IER3IP1: variants seen among roughly 807,000 people sequenced by gnomAD.
The protein encoded by IER3IP1 is immediate early response 3 interacting protein 1, also known as immediate early response 3-interacting protein 1.
In IER3IP1, 16 loss-of-function variants were observed where a neutral mutation model predicts 12.2. The ratio of observed to expected loss-of-function variants is 1.31; its 90% confidence interval spans 0.89 to 1.99. IER3IP1 has a LOEUF of 1.99. Among genes scored for constraint, IER3IP1 ranks in the 30% most tolerant of loss-of-function variants. The pLI is 0.00. For synonymous variants in IER3IP1, 42 were observed against 40.0 expected, an observed-to-expected ratio of 1.05 and a Z score of -0.19; for missense variants, 95 against 95.8, an observed-to-expected ratio of 0.99 and a Z score of 0.03.
intron 2 of IER3IP1, 56 bp from the exon 3 acceptor site, chr18:47,156,288 A>C (rs1194760786): frequency 3.2e-6 from 3 of 944,988 alleles, no homozygotes; most frequent in Non-Finnish European, 5.1e-6. Flanking sequence ...AGAAAAAACC[A>C]GAAAATAATA....
At chr18:47,160,836 G>C (rs2063977724) in intron 1 of IER3IP1, among the ~76,000 whole-genome samples, 1 of 152,002 alleles carries the variant, frequency 6.6e-6, no homozygotes, top group Non-Finnish European at 1.5e-5. Context: ...CTTTTTCCTT[G>C]ATCATTCCTC....
chr18:47,173,241 G>T (rs1019397177), intron 1 of IER3IP1, among the ~76,000 whole-genome samples: 1 of 152,172 alleles, frequency 6.6e-6, no homozygotes, highest in Admixed American at 6.5e-5. Context: ...GTTTAACTCA[G>T]TAAAGGTATT....
At chr18:47,165,313 G>T (rs746243479) in intron 1 of IER3IP1, among the ~76,000 whole-genome samples, 27 of 152,166 alleles carry the variant, frequency 1.8e-4, no homozygotes, top group Non-Finnish European at 3.4e-4. Flanking sequence ...AGCACTTCGG[G>T]AGGCCAAGGC....
At chr18:47,173,490 G>A (rs927062900) in intron 1 of IER3IP1, among the ~76,000 whole-genome samples, 2 of 151,900 alleles carry the variant, frequency 1.3e-5, no homozygotes, top group African/African-American at 4.8e-5. Flanking sequence ...GATTACAGGC[G>A]CCCACCACCA....
intron 1 of IER3IP1, among the ~76,000 whole-genome samples, chr18:47,166,695 AG>A (rs1175512415): frequency 6.6e-6 from 1 of 152,212 alleles, no homozygotes; most frequent in Non-Finnish European, 1.5e-5. Context: ...AACTGGAGGC[AG>A]GATGACCAGT....
chr18:47,155,152 T>C lies in IER3IP1; in HGVS notation c.*1025A>G, dbSNP rs977759852. 1.3e-5 allele frequency: 2 copies of C among 152,192 alleles called. No individual in the cohort carries two copies. The highest frequency in any genetic ancestry group is 6.5e-5 in the Admixed American group (1 of 15,278). 9.4% of individuals were successfully genotyped at this position (152,192 alleles called of 1,614,324 possible). On this transcript the variant is annotated 3_prime_UTR_variant, in exon 3 of 3. Transcript: ENST00000256433. ...ATTTCCATAAAAACCATTTACATAGTTTCAACCTTTCTGCATAAAACTGTA... is the reference window on the plus strand; with the variant it reads ...ATTTCCATAAAAACCATTTACATAGCTTCAACCTTTCTGCATAAAACTGTA...
At position 47,154,993 on chromosome 18, in the gene IER3IP1, T is replaced by A. The variant is rs1436402299; in HGVS notation, c.*1184A>T. ...AGAGGTGTTCACCCAAAATGGAGAT[T>A]AATGCAGTTAACACTGACAGGTTTA... is the stretch of plus-strand genomic sequence containing the variant. On this transcript the variant is annotated 3_prime_UTR_variant, in exon 3 of 3. Coordinates refer to ENST00000256433, the MANE Select transcript of IER3IP1 (RefSeq NM_016097.5). The A allele has an allele frequency of 2.6e-5, 4 of 152,220 alleles. No individual in the cohort carries two copies. Among genetic ancestry groups the A allele is most frequent in the African/African-American group, 9.6e-5 (4 of 41,458 alleles). 9.4% of individuals were successfully genotyped at this position (152,220 alleles called of 1,614,324 possible).
chr18:47,172,474 T>G lies in IER3IP1; in HGVS notation c.91+3713A>C, dbSNP rs763382153. On this transcript the variant is annotated intron_variant, in intron 1 of 2. Coordinates refer to ENST00000256433, the MANE Select transcript of IER3IP1 (RefSeq NM_016097.5). This position sits in a 1 kb window ranked among gnomAD's most constrained non-coding sequence, Gnocchi z 4.0. ...CTTACAGTAGTCCTCCCCCTTAATC[T>G]TGGAGATACACTTCAAGATTCCACA... is the stretch of plus-strand genomic sequence containing the variant. Among the ~76,000 whole-genome samples, 3 of 152,134 alleles carry G rather than the reference T, an allele frequency of 2.0e-5. No homozygotes were observed. The highest frequency in any genetic ancestry group is 2.9e-5 in the Non-Finnish European group (2 of 68,022).
chr18:47,168,974 G>T (rs1293274337), intron 1 of IER3IP1, among the ~76,000 whole-genome samples: 2 of 152,102 alleles, frequency 1.3e-5, no homozygotes, highest in African/African-American at 4.8e-5. Context: ...TAATTAAATG[G>T]TTTGAAGTAC....
At position 47,154,221 on chromosome 18, in the gene IER3IP1, C is replaced by T. The variant is rs2063950582; in HGVS notation, c.*1956G>A. The stretch of plus-strand genomic sequence containing the variant: ...AGTTACTGTCTACTAAAATAACACA[C>T]TCTGTTTACTGAATCACAACTGCTC... On this transcript the variant is annotated 3_prime_UTR_variant, in exon 3 of 3. Coordinates refer to ENST00000256433, the MANE Select transcript of IER3IP1 (RefSeq NM_016097.5). 1 of 152,188 alleles carries T rather than the reference C, an allele frequency of 6.6e-6. No homozygotes were observed. Among genetic ancestry groups the T allele is most frequent in the Non-Finnish European group, 1.5e-5 (1 of 68,044 alleles). 9.4% of individuals were successfully genotyped at this position (152,188 alleles called of 1,614,324 possible).
chr18:47,163,345 T>C (rs2063985820), intron 1 of IER3IP1, among the ~76,000 whole-genome samples: 2 of 152,308 alleles, frequency 1.3e-5, no homozygotes, highest in South Asian at 2.1e-4. Context: ...GCAGGCAGCA[T>C]ACATAGCACG....
At chr18:47,165,334 CT>C (rs2144431486) in intron 1 of IER3IP1, among the ~76,000 whole-genome samples, 1 of 152,310 alleles carries the variant, frequency 6.6e-6, no homozygotes, top group Non-Finnish European at 1.5e-5. Context: ...GGGCAGATCA[CT>C]TGAGGCCAGA....
At chr18:47,160,359 T>C (rs2063976060) in intron 1 of IER3IP1, among the ~76,000 whole-genome samples, 1 of 152,230 alleles carries the variant, frequency 6.6e-6, no homozygotes, top group African/African-American at 2.4e-5. Flanking sequence ...TACCCTACTA[T>C]GCACATAATT....
intron 1 of IER3IP1, among the ~76,000 whole-genome samples, chr18:47,165,138 G>C (rs1458417739): frequency 1.3e-5 from 2 of 152,168 alleles, no homozygotes; most frequent in Admixed American, 6.5e-5. Flanking sequence ...GAAAATGAAA[G>C]TGATTTTGTC....
intron 1 of IER3IP1, among the ~76,000 whole-genome samples, chr18:47,175,967 A>AC (rs1333584790): frequency 6.6e-6 from 1 of 151,130 alleles, no homozygotes; most frequent in African/African-American, 2.4e-5. Context: ...ATATCCCTCC[A>AC]CCCCAACCCC....
chr18:47,157,686 A>C, intron 1 of IER3IP1, 149 bp from the exon 2 acceptor site: 1 of 709,122 alleles, frequency 1.4e-6, no homozygotes, highest in Non-Finnish European at 2.5e-6. Flanking sequence ...TAATGAGTTA[A>C]ATATTTGTTT....
chr18:47,153,101 GCTTT>G lies in IER3IP1; in HGVS notation c.*3072_*3075del, dbSNP rs1184412221. 1 of 152,156 alleles carries G rather than the reference GCTTT, an allele frequency of 6.6e-6. No individual in the cohort carries two copies. Among genetic ancestry groups the G allele is most frequent in the Non-Finnish European group, 1.5e-5 (1 of 68,024 alleles). 9.4% of individuals were successfully genotyped at this position (152,156 alleles called of 1,614,324 possible). On this transcript the variant is annotated 3_prime_UTR_variant, in exon 3 of 3. Transcript: ENST00000256433. ...AGTCTTTTTACTAGTCAAATATCTT[GCTTT>G]CTCTTGTCATTTCACCAGTAATACA...
At chr18:47,175,949 T>A (rs1200173060) in intron 1 of IER3IP1, among the ~76,000 whole-genome samples, 1 of 151,992 alleles carries the variant, frequency 6.6e-6, no homozygotes, top group African/African-American at 2.4e-5. Context: ...CGTCCCTGAC[T>A]GACTTCTATA....
rs1216275478 is a variant in IER3IP1 at position 47,176,250 on chromosome 18, G to A, written c.28C>T (p.Gln10Ter). The A allele has an allele frequency of 6.2e-7, 1 of 1,609,540 alleles. No individual in the cohort carries two copies. The highest frequency in any genetic ancestry group is 1.1e-5 in the South Asian group (1 of 90,194). The change falls in exon 1 of 3, where the codon CAG becomes TAG. Residue 10 changes from glutamine (Q) to a stop codon, truncating the protein, a stop_gained. Coordinates refer to ENST00000256433, the MANE Select transcript of IER3IP1 (RefSeq NM_016097.5). LOFTEE classifies it high-confidence loss of function. ...GCGTTGACGCAGAGCAGGGCTGCCTGCAGCAGTGAGTACAGGGTAAAGGCC... is the reference window on the plus strand; with the variant it reads ...GCGTTGACGCAGAGCAGGGCTGCCTACAGCAGTGAGTACAGGGTAAAGGCC... MAFTLYSLL[Q>*]AALLCVNAIA...
Sources: gnomAD v4.1 joint callset for allele counts (sites outside exome capture counted in the v4.1 genomes callset) on GRCh38, gnomAD v4.1.1 for gene constraint, Gnocchi (gnomAD v3.1) non-coding constraint, MANE v1.5 for transcripts, NCBI Gene and HGNC (gene_info 2026-07-23, HGNC 2026-07-21) for gene names.